Variants in ITPR1 observed in about 807,000 individuals in gnomAD.
The protein encoded by ITPR1 is inositol 1,4,5-trisphosphate receptor type 1.
A neutral mutation model predicts 318.4 loss-of-function variants in ITPR1; 96 were observed. That is an observed-to-expected ratio of 0.30 (90% CI 0.26 to 0.36). The LOEUF is 0.36. Among genes scored for constraint, ITPR1 ranks in the 10% least tolerant of loss-of-function variants. The pLI is 1.00. For synonymous variants in ITPR1, 1,312 were observed against 1,289.9 expected (o/e 1.02, Z -0.37); for missense variants, 2,440 against 3,460.2 (o/e 0.71, Z 7.40).
intron 4 of ITPR1, among the ~76,000 whole-genome samples, chr3:4,521,871 A>G (rs2082596651): frequency 8.9e-6 from 1 of 112,232 alleles, no homozygotes; most frequent in African/African-American, 4.1e-5. Context: ...CCCTGTCTCA[A>G]AAACAAAAAC....
At chr3:4,635,434 G>A (rs993710368) in intron 5 of ITPR1, among the ~76,000 whole-genome samples, 1 of 152,174 alleles carries the variant, frequency 6.6e-6, no homozygotes, top group African/African-American at 2.4e-5. Flanking sequence ...TCCACCTCCC[G>A]GGTCCACCCC....
chr3:4,693,440 G>A (rs1399698853), intron 32 of ITPR1, 50 bp from the exon 33 acceptor site: 4 of 1,587,548 alleles, frequency 2.5e-6, no homozygotes, highest in African/African-American at 2.7e-5. Context: ...TTTTCATGCT[G>A]CCCCACCCCT....
chr3:4,667,807 G>A lies in ITPR1; in HGVS notation c.1886+258G>A, dbSNP rs961859108. On this transcript the variant is annotated intron_variant, in intron 18 of 61. Coordinates refer to ENST00000649015, the MANE Select transcript of ITPR1 (RefSeq NM_001378452.1). ...CTTTAATTTCCTTATCTGCTAAATG[G>A]GTAGTTATGAAAATTAAATGAGAAT... Among the ~76,000 whole-genome samples, 8 of 152,096 alleles carry A rather than the reference G, an allele frequency of 5.3e-5. No individual in the cohort carries two copies. In the South Asian group the frequency reaches 8.3e-4, roughly 16 times the overall value.
At chr3:4,843,979 A>T (rs2051565461) in intron 61 of ITPR1, among the ~76,000 whole-genome samples, 1 of 152,236 alleles carries the variant, frequency 6.6e-6, no homozygotes, top group South Asian at 2.1e-4. Flanking sequence ...CATCTCAAAT[A>T]CAAGTAGTTA....
chr3:4,623,509 A>G (rs761133977), intron 4 of ITPR1, among the ~76,000 whole-genome samples: 1 of 152,208 alleles, frequency 6.6e-6, no homozygotes, highest in Non-Finnish European at 1.5e-5. Flanking sequence ...GCATGCATGC[A>G]TACGCACACA....
At chr3:4,511,658 A>C (rs901370286) in intron 2 of ITPR1, among the ~76,000 whole-genome samples, 1 of 152,150 alleles carries the variant, frequency 6.6e-6, no homozygotes, top group African/African-American at 2.4e-5. Context: ...CCCATTTTAC[A>C]GCTGGGAAAA....
intron 3 of ITPR1, 150 bp from the exon 4 acceptor site, chr3:4,520,874 T>C (rs1468441048): frequency 1.5e-5 from 10 of 666,300 alleles, no homozygotes; most frequent in Admixed American, 9.2e-5. Flanking sequence ...GATCCATGCA[T>C]AGGAAGCCTC....
chr3:4,825,874 G>C (rs1181641202), intron 60 of ITPR1: 1 of 451,054 alleles, frequency 2.2e-6, no homozygotes, highest in Admixed American at 2.4e-5. Flanking sequence ...TGCAGATCAT[G>C]ATTAGATAAG....
intron 44 of ITPR1, among the ~76,000 whole-genome samples, chr3:4,763,652 C>T (rs1260224660): frequency 2.6e-5 from 4 of 152,232 alleles, no homozygotes; most frequent in African/African-American, 9.6e-5. Context: ...AAAGCTGCTT[C>T]GAACCCTTGA....
chr3:4,812,436 T>C (rs2048998093), intron 56 of ITPR1, among the ~76,000 whole-genome samples: 1 of 152,206 alleles, frequency 6.6e-6, no homozygotes, highest in Admixed American at 6.5e-5. Flanking sequence ...GGGGCTTTTT[T>C]ACTATATGCA....
chr3:4,533,515 A>G (rs78256076), intron 4 of ITPR1, among the ~76,000 whole-genome samples: 1,850 of 152,350 alleles, frequency 0.012, 43 homozygotes, highest in African/African-American at 0.042. Context: ...AATACCTGCA[A>G]TACAGCCTCA....
At chr3:4,698,282 T>C (rs144532234) in intron 34 of ITPR1, among the ~76,000 whole-genome samples, 1 of 61,580 alleles carries the variant, frequency 1.6e-5, no homozygotes, top group Non-Finnish European at 3.1e-5. Flanking sequence ...GACTGTATGA[T>C]TACTAGTGTG....
chr3:4,841,042 G>C (rs1313415462), intron 61 of ITPR1, among the ~76,000 whole-genome samples: 2 of 152,172 alleles, frequency 1.3e-5, no homozygotes, highest in Non-Finnish European at 2.9e-5. Flanking sequence ...AGGACAGAAG[G>C]CATAACACAA....
intron 6 of ITPR1, 36 bp from the exon 7 acceptor site, chr3:4,642,057 G>A (rs1575853935): frequency 1.3e-6 from 2 of 1,497,452 alleles, no homozygotes. Flanking sequence ...ATTCAGATTT[G>A]CTGACACTCA....
intron 4 of ITPR1, among the ~76,000 whole-genome samples, chr3:4,611,331 G>A (rs896010982): frequency 6.6e-5 from 10 of 151,398 alleles, no homozygotes; most frequent in Admixed American, 2.0e-4. Flanking sequence ...AGGCCAAGGC[G>A]CGTGGATTAC....
Position 4,673,166 on chromosome 3 carries a change from T to G in ITPR1, c.2235T>G (p.Cys745Trp). 1 of 1,613,956 alleles carries G rather than the reference T, an allele frequency of 6.2e-7. No homozygotes were observed. Among genetic ancestry groups the G allele is most frequent in the Non-Finnish European group, 8.5e-7 (1 of 1,179,840 alleles). The change falls in exon 21 of 62, where the codon TGT (cysteine) becomes TGG (tryptophan). Residue 745 changes from cysteine (C) to tryptophan (W), a missense_variant. Physicochemically the swap from Cys to Trp is radical, Grantham distance 215 (BLOSUM62 -2). Around this residue, in one of 23 missense-constraint regions of ITPR1, gnomAD observed 478 missense variants for 696.3 expected, o/e 0.69. Coordinates refer to ENST00000649015, the MANE Select transcript of ITPR1 (RefSeq NM_001378452.1). ...AGCTGAACCTCTTTGCGAGGATGTG[T>G]CTGGACCGCCAATACCTGGCCATCA... ...RYQLNLFARM[C>W]LDRQYLAINE...
intron 12 of ITPR1, among the ~76,000 whole-genome samples, chr3:4,656,115 G>C (rs913244644): frequency 2.6e-5 from 4 of 152,222 alleles, no homozygotes; most frequent in Admixed American, 2.6e-4. Context: ...GACCACCAGA[G>C]GCTCCCGCTC....
At chr3:4,678,104 TG>T (rs917717890) in intron 24 of ITPR1, among the ~76,000 whole-genome samples, 6 of 152,274 alleles carry the variant, frequency 3.9e-5, no homozygotes, top group African/African-American at 1.4e-4. Flanking sequence ...GTTTAAGATC[TG>T]GGGGTTTTAT....
chr3:4,721,172 G>GTGTGTATATATATATA (rs1356149562), intron 40 of ITPR1, among the ~76,000 whole-genome samples: 1 of 125,080 alleles, frequency 8.0e-6, no homozygotes, highest in East Asian at 2.0e-4. Context: ...GTGTGTGCGT[G>GTGTGTATATATATATA]TATATATATA....
Sources: gnomAD v4.1 joint callset for allele counts (sites outside exome capture counted in the v4.1 genomes callset) on GRCh38, gnomAD v4.1.1 for gene constraint, gnomAD v4.1.1 regional missense constraint, MANE v1.5 for transcripts, NCBI Gene and HGNC (gene_info 2026-07-23, HGNC 2026-07-21) for gene names.